The following GABRA3 variants were observed in gnomAD, a reference collection of about 807,000 sequenced individuals.
GABRA3 encodes gamma-aminobutyric acid type A receptor subunit alpha3.
GABRA3 carries 10 observed loss-of-function variants against 30.1 expected under a neutral mutation model. The observed-to-expected ratio is 0.33, with a 90% CI of 0.20 to 0.56. GABRA3 has a LOEUF of 0.56. Ranked by LOEUF, GABRA3 falls within the 20% of genes least tolerant of loss-of-function variation. The pLI is 0.89. For synonymous variants in GABRA3, 151 were observed against 146.8 expected, an observed-to-expected ratio of 1.03 and a Z score of -0.21; for missense variants, 233 against 392.0, an observed-to-expected ratio of 0.59 and a Z score of 3.42.
At chrX:152,314,799 T>C (rs1939847919) in intron 3 of GABRA3, among the ~76,000 whole-genome samples, 1 of 112,067 alleles carries the variant, frequency 8.9e-6, no homozygotes, top group Admixed American at 9.5e-5. Flanking sequence ...AGTTTATAGT[T>C]AGAAATTGTA....
At chrX:152,170,543 T>C (rs1363552173) in intron 9 of GABRA3, among the ~76,000 whole-genome samples, 1 of 111,947 alleles carries the variant, frequency 8.9e-6, no homozygotes, top group Non-Finnish European at 1.9e-5. Context: ...CTTGTACTCC[T>C]GGCTTCAGGT....
At chrX:152,433,250 T>C (rs940297460) in intron 1 of GABRA3, among the ~76,000 whole-genome samples, 1 of 110,463 alleles carries the variant, frequency 9.1e-6, no homozygotes, top group Non-Finnish European at 1.9e-5. Context: ...GACTGCCCCA[T>C]GCCTATCAGT....
chrX:152,369,574 A>C (rs933521804), intron 1 of GABRA3, among the ~76,000 whole-genome samples: 1 of 111,069 alleles, frequency 9.0e-6, no homozygotes, highest in African/African-American at 3.3e-5. Flanking sequence ...TCTTCCATCC[A>C]ATTTTCATAT....
intron 4 of GABRA3, among the ~76,000 whole-genome samples, chrX:152,275,708 G>A (rs967656386): frequency 9.2e-6 from 1 of 108,366 alleles, no homozygotes; most frequent in African/African-American, 3.3e-5. Flanking sequence ...GCAGTGAGTC[G>A]AGATCGTGCA....
At chrX:152,441,697 CAT>C (rs1288052092) in intron 1 of GABRA3, among the ~76,000 whole-genome samples, 1 of 111,604 alleles carries the variant, frequency 9.0e-6, no homozygotes, top group Non-Finnish European at 1.9e-5. Context: ...GACTCAAACA[CAT>C]ATAAAAATTA....
intron 3 of GABRA3, among the ~76,000 whole-genome samples, chrX:152,316,708 C>G (rs1939883870): frequency 8.9e-6 from 1 of 111,912 alleles, no homozygotes; most frequent in South Asian, 3.7e-4. Flanking sequence ...CTCGCTTCAG[C>G]CTCCTTAAAC....
At chrX:152,260,466 C>A (rs1261804908) in intron 4 of GABRA3, among the ~76,000 whole-genome samples, 1 of 110,764 alleles carries the variant, frequency 9.0e-6, no homozygotes, top group Non-Finnish European at 1.9e-5. Flanking sequence ...TCTGACCCAG[C>A]ACAGTCATAG....
intron 5 of GABRA3, among the ~76,000 whole-genome samples, chrX:152,246,009 T>G (rs188804265): frequency 8.9e-5 from 10 of 111,812 alleles, no homozygotes; most frequent in Non-Finnish European, 1.9e-4. Context: ...TTCTGTGAGA[T>G]AGGCAGAGCA....
At chrX:152,284,793 A>G in intron 3 of GABRA3, 58 bp from the exon 4 acceptor site, 1 of 864,299 alleles carries the variant, frequency 1.2e-6, no homozygotes, top group Non-Finnish European at 1.7e-6. Context: ...CTTAGCTCAG[A>G]GAGAGTCCAG....
chrX:152,172,967 C>A (rs1219459901), intron 9 of GABRA3, among the ~76,000 whole-genome samples: 1 of 111,180 alleles, frequency 9.0e-6, no homozygotes, highest in Non-Finnish European at 1.9e-5. Flanking sequence ...CACACACACA[C>A]ACACACACAC....
chrX:152,416,766 A>T (rs1467254424), intron 1 of GABRA3, among the ~76,000 whole-genome samples: 2 of 109,848 alleles, frequency 1.8e-5, no homozygotes, highest in African/African-American at 6.8e-5. Context: ...GAAAAACAAG[A>T]AATGGGGAAA....
intron 1 of GABRA3, among the ~76,000 whole-genome samples, chrX:152,408,738 C>G (rs1013083714): frequency 7.7e-5 from 8 of 103,793 alleles, no homozygotes; most frequent in Non-Finnish European, 1.6e-4. Flanking sequence ...CCACAACCAC[C>G]AAGGACCAGG....
intron 1 of GABRA3, among the ~76,000 whole-genome samples, chrX:152,388,304 C>T (rs1403455665): frequency 9.0e-6 from 1 of 111,471 alleles, no homozygotes; most frequent in Admixed American, 9.6e-5. Context: ...AGCACAGGAG[C>T]GTTCAATCAA....
At chrX:152,352,695 T>C (rs1165292955) in intron 2 of GABRA3, among the ~76,000 whole-genome samples, 1 of 111,762 alleles carries the variant, frequency 8.9e-6, no homozygotes, top group Non-Finnish European at 1.9e-5. Flanking sequence ...TTTTAAATAA[T>C]AAAAATTCGG....
chrX:152,316,296 C>A (rs2172294), intron 3 of GABRA3, among the ~76,000 whole-genome samples: 4,077 of 110,712 alleles, frequency 0.037, 161 homozygotes, highest in African/African-American at 0.13. Context: ...ATAACCCAAT[C>A]CAACAAACAC....
intron 4 of GABRA3, among the ~76,000 whole-genome samples, chrX:152,283,627 A>G (rs1453705379): frequency 9.0e-6 from 1 of 111,573 alleles, no homozygotes; most frequent in Admixed American, 9.6e-5. Context: ...AACAACACAT[A>G]TATTTTTACT....
chrX:152,435,371 T>C (rs1002855208), intron 1 of GABRA3, among the ~76,000 whole-genome samples: 10 of 111,386 alleles, frequency 9.0e-5, no homozygotes, highest in African/African-American at 3.3e-4. Context: ...ATAGACTGGA[T>C]GAAGAAAATG....
chrX:152,285,246 A>G (rs775229581), intron 3 of GABRA3, among the ~76,000 whole-genome samples: 1 of 112,386 alleles, frequency 8.9e-6, no homozygotes, highest in East Asian at 2.8e-4. Flanking sequence ...AAAAACACAC[A>G]TTGCTGTGGT....
At chrX:152,243,271 G>T (rs762609872) in intron 5 of GABRA3, among the ~76,000 whole-genome samples, 31 of 111,605 alleles carry the variant, frequency 2.8e-4, no homozygotes, top group Non-Finnish European at 5.1e-4. Flanking sequence ...GAGATCTATT[G>T]TACAACATGG....
Sources: allele counts gnomAD v4.1 joint callset (sites outside exome capture counted in the v4.1 genomes callset), GRCh38; gene constraint gnomAD v4.1.1; transcripts MANE v1.5; gene names NCBI Gene and HGNC (gene_info 2026-07-23, HGNC 2026-07-21).